PKHD1: variants seen among roughly 807,000 people sequenced by gnomAD.
The protein encoded by PKHD1 is fibrocystin.
Under a neutral mutation model 412.0 loss-of-function variants are expected in PKHD1, and 291 were observed. The observed-to-expected ratio is 0.71, with a 90% CI of 0.64 to 0.78. PKHD1 has a LOEUF of 0.78. Among genes scored for constraint, PKHD1 ranks in the 30% least tolerant of loss-of-function variants. The pLI is 0.00. For missense variants in PKHD1, 4,825 were observed against 4,950.7 expected (o/e 0.97, Z 0.76); for synonymous variants, 1,777 against 1,821.5 (o/e 0.98, Z 0.62).
intron 43 of PKHD1, among the ~76,000 whole-genome samples, chr6:51,893,154 T>A (rs1436405629): frequency 1.3e-5 from 2 of 152,214 alleles, no homozygotes; most frequent in African/African-American, 4.8e-5. Context: ...AGTGATCATC[T>A]CACTTGTCCA....
chr6:51,867,773 G>A, intron 48 of PKHD1, 90 bp downstream of exon 48: 1 of 1,212,450 alleles, frequency 8.2e-7, no homozygotes, highest in Non-Finnish European at 1.2e-6. Flanking sequence ...AAATAATCTA[G>A]AAAACAATTT....
chr6:51,961,890 C>A (rs1792097257), intron 35 of PKHD1, among the ~76,000 whole-genome samples: 1 of 151,942 alleles, frequency 6.6e-6, no homozygotes, highest in African/African-American at 2.4e-5. Flanking sequence ...TTCCTTAGAG[C>A]TTAATAAAAT....
At chr6:51,710,813 T>A (rs1780566864) in intron 60 of PKHD1, among the ~76,000 whole-genome samples, 1 of 152,208 alleles carries the variant, frequency 6.6e-6, no homozygotes, top group African/African-American at 2.4e-5. Flanking sequence ...ATGAGAAGAC[T>A]GAGGCTAGGA....
At chr6:51,633,253 C>A (rs1453007232) in intron 64 of PKHD1, among the ~76,000 whole-genome samples, 1 of 152,060 alleles carries the variant, frequency 6.6e-6, no homozygotes, top group African/African-American at 2.4e-5. Context: ...AATGATGGGG[C>A]AAGATAGCAT....
At chr6:51,998,585 C>A (rs766471780) in intron 35 of PKHD1, among the ~76,000 whole-genome samples, 3 of 152,150 alleles carry the variant, frequency 2.0e-5, no homozygotes, top group Non-Finnish European at 4.4e-5. Context: ...TTATAATATT[C>A]TAGAAAGGAG....
At chr6:51,949,648 G>T (rs1422462263) in intron 36 of PKHD1, among the ~76,000 whole-genome samples, 2 of 152,138 alleles carry the variant, frequency 1.3e-5, no homozygotes, top group Admixed American at 6.5e-5. Flanking sequence ...AATCAATTTG[G>T]CTGGCAAACG....
chr6:52,054,019 C>T lies in PKHD1; in HGVS notation c.1964+19G>A. The T allele has an allele frequency of 6.2e-7, 1 of 1,613,616 alleles. No individual in the cohort carries two copies. On this transcript the variant is annotated intron_variant, in intron 20 of 66. Coordinates refer to ENST00000371117, the MANE Select transcript of PKHD1 (RefSeq NM_138694.4). ...CCAGCTGACTGAATTCCCACCACGCCTCCCCACCGATTAGCTACCTCTCGG... is the reference window on the plus strand; with the variant it reads ...CCAGCTGACTGAATTCCCACCACGCTTCCCCACCGATTAGCTACCTCTCGG...
chr6:51,916,466 G>C (rs1437668401), intron 37 of PKHD1, among the ~76,000 whole-genome samples: 1 of 152,120 alleles, frequency 6.6e-6, no homozygotes, highest in East Asian at 1.9e-4. Flanking sequence ...TATGGTAATA[G>C]ATATCAGCAC....
intron 45 of PKHD1, 122 bp downstream of exon 45, chr6:51,885,745 C>A: frequency 1.4e-6 from 1 of 732,824 alleles, no homozygotes; most frequent in Non-Finnish European, 2.5e-6. Flanking sequence ...CACAGCAATG[C>A]TCCCCTCAAG....
intron 60 of PKHD1, among the ~76,000 whole-genome samples, chr6:51,667,230 T>C (rs1477200445): frequency 4.2e-5 from 6 of 144,422 alleles, no homozygotes; most frequent in Non-Finnish European, 9.1e-5. Flanking sequence ...TTTTAATGAT[T>C]GCCATTCTAA....
chr6:52,024,181 A>G (rs1801803455), intron 32 of PKHD1, among the ~76,000 whole-genome samples: 1 of 152,218 alleles, frequency 6.6e-6, no homozygotes, highest in Non-Finnish European at 1.5e-5. Context: ...AAATGATAAA[A>G]ATTTAATCAT....
At chr6:51,932,195 T>C (rs950317211) in intron 37 of PKHD1, among the ~76,000 whole-genome samples, 16 of 152,236 alleles carry the variant, frequency 1.1e-4, no homozygotes, top group Non-Finnish European at 1.5e-5. Context: ...GGGATTTTCT[T>C]GACATTTGCT....
chr6:51,617,117 A>G lies in PKHD1; in HGVS notation c.*1964T>C, dbSNP rs1766136880. 1 of 156,288 alleles carries G rather than the reference A, an allele frequency of 6.4e-6. No individual in the cohort carries two copies. Among genetic ancestry groups the G allele is most frequent in the South Asian group, 2.1e-4 (1 of 4,866 alleles). 9.7% of individuals were successfully genotyped at this position (156,288 alleles called of 1,614,324 possible). A position where few individuals can be genotyped will look rare whatever the true frequency, so the allele number is the denominator to read the frequency against. On this transcript the variant is annotated 3_prime_UTR_variant, in exon 67 of 67. Coordinates refer to ENST00000371117, the MANE Select transcript of PKHD1 (RefSeq NM_138694.4). ...AAAAGTGGTGAAAGAATCCGAGGAA[A>G]TGAAAGAAAGCATGTGCAGGTAAAC...
chr6:52,047,594 T>C (rs1333488536), intron 23 of PKHD1, among the ~76,000 whole-genome samples: 1 of 152,242 alleles, frequency 6.6e-6, no homozygotes, highest in Non-Finnish European at 1.5e-5. Context: ...AAGTTCTTTC[T>C]ACATTTGTTG....
intron 52 of PKHD1, among the ~76,000 whole-genome samples, chr6:51,820,227 T>A (rs1766159274): frequency 6.6e-6 from 1 of 152,204 alleles, no homozygotes; most frequent in Non-Finnish European, 1.5e-5. Context: ...ATGAGACTTC[T>A]AGGCAAAAGG....
chr6:51,747,634 A>C (rs1785379987), intron 58 of PKHD1, among the ~76,000 whole-genome samples, 153 bp downstream of exon 58: 1 of 152,234 alleles, frequency 6.6e-6, no homozygotes, highest in African/African-American at 2.4e-5. Context: ...AAGAAATTAT[A>C]AACTACCATT....
At chr6:51,700,246 T>C (rs1213055811) in intron 60 of PKHD1, among the ~76,000 whole-genome samples, 2 of 151,912 alleles carry the variant, frequency 1.3e-5, no homozygotes, top group Non-Finnish European at 2.9e-5. Context: ...AAAAAGCAAA[T>C]TTAGAATGCA....
Position 51,803,337 on chromosome 6 carries a change from C to T in PKHD1, c.8303-11964G>A, listed in dbSNP as rs187833164. Among the ~76,000 whole-genome samples the T allele has an allele frequency of 1.4e-3, 218 of 151,052 alleles. 1 individual carries two copies. The South Asian group carries it at 0.024, about 17-fold the overall frequency. On this transcript the variant is annotated intron_variant, in intron 52 of 66. Transcript: ENST00000371117. ...TGGGGTTTCCAAAATATGTTATTTT[C>T]CACTTGAATTCGAATATTGTCCCAG...
chr6:51,763,563 A>G (rs1171453198), intron 55 of PKHD1, among the ~76,000 whole-genome samples: 4 of 152,162 alleles, frequency 2.6e-5, no homozygotes, highest in Non-Finnish European at 5.9e-5. Context: ...CCTTTTGAAT[A>G]TCAGAAAAGC....
Sources: allele counts gnomAD v4.1 joint callset (sites outside exome capture counted in the v4.1 genomes callset), GRCh38; gene constraint gnomAD v4.1.1; transcripts MANE v1.5; gene names NCBI Gene and HGNC (gene_info 2026-07-23, HGNC 2026-07-21).